Variants in PCNT observed in about 807,000 individuals in gnomAD.
PCNT encodes pericentrin, also known as kendrin.
PCNT carries 319 observed loss-of-function variants against 380.4 expected under a neutral mutation model. The ratio of observed to expected loss-of-function variants is 0.84; its 90% CI spans 0.77 to 0.92. The LOEUF (loss-of-function observed/expected upper bound fraction) is 0.92. PCNT is among the 40% of genes least tolerant of loss of function. The probability of loss-of-function intolerance (pLI) is 0.00; values close to 1 mark genes in which losing one functional copy is unlikely to be tolerated. For synonymous variants in PCNT, 1,845 were observed against 1,735.2 expected (o/e 1.06, Z -1.57); for missense variants, 4,400 against 4,255.3 (o/e 1.03, Z -0.95).
Position 46,349,063 on chromosome 21 carries a change from C to T in PCNT, c.1084C>T (p.Arg362Cys), listed in dbSNP as rs777707751. The change falls in exon 7 of 47, where the codon CGC (arginine) becomes TGC (cysteine). Residue 362 changes from arginine (R) to cysteine (C), a missense_variant. Arg to Cys is a radical substitution (Grantham distance 180). Coordinates refer to ENST00000359568, the MANE Select transcript of PCNT (RefSeq NM_006031.6). ...SEKDLCLENL[R>C]KELSAKHQSE... ...AAAAGATTTATGTTTAGAAAATCTA[C>T]GCAAAGAACTGTCTGCAAAGCATCA... 1.9e-5 allele frequency: 31 copies of T among 1,606,590 alleles called. No individual in the cohort carries two copies. In the East Asian group the frequency reaches 2.5e-4, roughly 13 times the overall value.
chr21:46,394,471 T>G (rs1317539776), intron 21 of PCNT: 56 of 975,000 alleles, frequency 5.7e-5, no homozygotes, highest in Non-Finnish European at 6.6e-5. Flanking sequence ...CGTTTCTGTT[T>G]CCACCTCAGT....
chr21:46,335,705 TA>T (rs200249151), intron 3 of PCNT, among the ~76,000 whole-genome samples: 15,056 of 146,234 alleles, frequency 0.1, 935 homozygotes, highest in Non-Finnish European at 0.15. Context: ...TTTTTTTTTT[TA>T]AATAGAGACG....
intron 15 of PCNT, among the ~76,000 whole-genome samples, chr21:46,373,672 G>A (rs1337643092): frequency 1.1e-4 from 16 of 147,394 alleles, no homozygotes; most frequent in African/African-American, 3.3e-4. Context: ...TGATCCGTCC[G>A]CCTCACCCTC....
At chr21:46,417,668 A>T (rs1465980812) in intron 30 of PCNT, among the ~76,000 whole-genome samples, 1 of 152,168 alleles carries the variant, frequency 6.6e-6, no homozygotes, top group South Asian at 2.1e-4. Context: ...TGGGAGGCTG[A>T]GGCGGGAGGA....
chr21:46,406,352 C>T (rs558589443), intron 27 of PCNT, among the ~76,000 whole-genome samples: 33 of 152,260 alleles, frequency 2.2e-4, no homozygotes, highest in East Asian at 1.5e-3. Context: ...AGAGGTCTCA[C>T]GTCTTTTGTT....
At chr21:46,336,774 C>T (rs983722784) in intron 3 of PCNT, among the ~76,000 whole-genome samples, 1 of 152,168 alleles carries the variant, frequency 6.6e-6, no homozygotes, top group East Asian at 1.9e-4. Flanking sequence ...TCTGTGTGTA[C>T]ACTCATAGCT....
intron 38 of PCNT, 28 bp from the exon 39 acceptor site, chr21:46,435,876 T>G: frequency 1.2e-6 from 2 of 1,613,902 alleles, no homozygotes; most frequent in Non-Finnish European, 1.7e-6. Flanking sequence ...CGTGAACGTC[T>G]TCTCTGTCTT....
At chr21:46,326,070 C>T (rs1023356260) in intron 1 of PCNT, among the ~76,000 whole-genome samples, 3 of 152,166 alleles carry the variant, frequency 2.0e-5, no homozygotes, top group Non-Finnish European at 2.9e-5. Flanking sequence ...AGCTATCAAT[C>T]TTTTATACAA....
chr21:46,384,280 G>T (rs1187480577), intron 16 of PCNT, among the ~76,000 whole-genome samples: 1 of 143,456 alleles, frequency 7.0e-6, no homozygotes, highest in Non-Finnish European at 1.5e-5. Flanking sequence ...TGGCGGAAGC[G>T]CATTCACAGT....
chr21:46,389,879 G>A (rs1238717719), intron 19 of PCNT, among the ~76,000 whole-genome samples: 1 of 152,184 alleles, frequency 6.6e-6, no homozygotes, highest in Non-Finnish European at 1.5e-5. Flanking sequence ...GCCTACTTCA[G>A]CCCACGAGCT....
At position 46,361,551 on chromosome 21, in the gene PCNT, A is replaced by T. The variant is rs142441532; in HGVS notation, c.2155-1929A>T. On this transcript the variant is annotated intron_variant, in intron 13 of 46. Coordinates refer to ENST00000359568, the MANE Select transcript of PCNT (RefSeq NM_006031.6). ...GTCTTCTGTGCTGCAGTTTTCATAG[A>T]CTAGACATCACATCCGCCTCCTGCA... is the stretch of plus-strand genomic sequence containing the variant. Among the ~76,000 whole-genome samples, 15 of 152,288 alleles carry T rather than the reference A, an allele frequency of 9.8e-5. No homozygotes were observed. In the East Asian group the frequency reaches 2.9e-3, roughly 29 times the overall value.
intron 13 of PCNT, among the ~76,000 whole-genome samples, chr21:46,361,820 A>G (rs1458067485): frequency 6.6e-6 from 1 of 152,136 alleles, no homozygotes; most frequent in East Asian, 1.9e-4. Flanking sequence ...TAAAAAGTCT[A>G]AGGTGACAGG....
chr21:46,331,030 G>T (rs544005493), intron 2 of PCNT, among the ~76,000 whole-genome samples: 1 of 151,692 alleles, frequency 6.6e-6, no homozygotes, highest in African/African-American at 2.4e-5. Flanking sequence ...GTGTGTGTTT[G>T]TGTGTGTGTG....
chr21:46,364,223 C>A (rs1453820471), intron 14 of PCNT, among the ~76,000 whole-genome samples: 1 of 147,170 alleles, frequency 6.8e-6, no homozygotes. Context: ...GCCCCCTGGC[C>A]GCAGTGGGAC....
At position 46,432,123 on chromosome 21, in the gene PCNT, G is replaced by A. The variant is rs797045881; in HGVS notation, c.8659G>A (p.Gly2887Arg). The A allele has an allele frequency of 3.7e-6, 6 of 1,613,998 alleles. No individual in the cohort carries two copies. The African/African-American group carries it at 4.0e-5, about 11-fold the overall frequency. The change falls in exon 38 of 47, where the codon GGA (glycine) becomes AGA (arginine). Residue 2887 changes from glycine to arginine, a missense_variant. Transcript: ENST00000359568. ...ACACCCACGGTTGAAAGAGCAAGAA[G>A]GACGCAAGGCTGCGAGGAGGAGCGC... ...QSHPRLKEQE[G>R]RKAARRSAEA...
At chr21:46,415,956 TG>T in intron 29 of PCNT, 112 bp from the exon 30 acceptor site, 1 of 935,698 alleles carries the variant, frequency 1.1e-6, no homozygotes, top group South Asian at 1.4e-5. Context: ...GGGCTCATTG[TG>T]GAATCACCCG....
rs1038470875 is a variant in PCNT, at chr21:46,411,405, T to C, written c.5332T>C (p.Ser1778Pro). Residue 1778 changes from serine to proline, a missense_variant, in exon 28 of 47, where the codon TCC becomes CCC. Coordinates refer to ENST00000359568, the MANE Select transcript of PCNT (RefSeq NM_006031.6). ...CAGTCTGCAGAGCGAGCTGCTCTGC[T>C]CCCAGGCCGGGGGCCCTCGTGGGCA... The part of the protein sequence containing the change: ...AGSLQSELLC[S>P]QAGGPRGQAL... 1.2e-6 allele frequency: 2 copies of C among 1,613,502 alleles called. No homozygotes were observed.
intron 4 of PCNT, 154 bp from the exon 5 acceptor site, chr21:46,346,589 T>G (rs1319515534): frequency 6.5e-6 from 6 of 920,050 alleles, no homozygotes; most frequent in Non-Finnish European, 1.0e-5. Context: ...CTCAGTGGCA[T>G]CCGGGCCTCT....
intron 16 of PCNT, among the ~76,000 whole-genome samples, chr21:46,384,527 GTGT>G (rs2147211475): frequency 6.8e-6 from 1 of 147,922 alleles, no homozygotes; most frequent in South Asian, 2.2e-4. Context: ...AGCATTCACG[GTGT>G]TGTGCGTTCA....
Sources: allele counts gnomAD v4.1 joint callset (sites outside exome capture counted in the v4.1 genomes callset), GRCh38; gene constraint gnomAD v4.1.1; transcripts MANE v1.5; gene names NCBI Gene and HGNC (gene_info 2026-07-23, HGNC 2026-07-21).